EPHA6: variants seen among roughly 807,000 people sequenced by gnomAD.
The protein encoded by EPHA6 is EPH receptor A6.
A neutral mutation model predicts 112.0 loss-of-function variants in EPHA6; 50 were observed. The ratio of observed to expected loss-of-function variants is 0.45; its 90% CI spans 0.36 to 0.56. The LOEUF is 0.56. Ranked by LOEUF, EPHA6 falls within the 20% of genes least tolerant of loss-of-function variation. EPHA6 has a pLI of 0.00. For synonymous variants in EPHA6, 529 were observed against 490.7 expected (o/e 1.08, Z -1.03); for missense variants, 1,280 against 1,417.4 (o/e 0.90, Z 1.56).
intron 3 of EPHA6, among the ~76,000 whole-genome samples, chr3:96,999,119 C>T (rs901373429): frequency 6.6e-6 from 1 of 151,772 alleles, no homozygotes; most frequent in Non-Finnish European, 1.5e-5. Context: ...TAGTGTGTTG[C>T]CTACATTTCT....
At chr3:97,190,704 C>T (rs2077278291) in intron 3 of EPHA6, among the ~76,000 whole-genome samples, 1 of 151,876 alleles carries the variant, frequency 6.6e-6, no homozygotes, top group South Asian at 2.1e-4. Context: ...TCCATTATCT[C>T]ACATACTTAT....
chr3:97,246,960 G>T (rs1168336717), intron 5 of EPHA6, among the ~76,000 whole-genome samples: 1 of 151,898 alleles, frequency 6.6e-6, no homozygotes, highest in Non-Finnish European at 1.5e-5. Flanking sequence ...AATTTAAAAA[G>T]AATTTATACA....
chr3:97,318,862 A>C (rs918977439), intron 5 of EPHA6, among the ~76,000 whole-genome samples: 6 of 152,010 alleles, frequency 3.9e-5, no homozygotes, highest in Non-Finnish European at 8.8e-5. Flanking sequence ...GTTTCTTTCA[A>C]GTGAACATTT....
chr3:97,103,992 A>G (rs2108266585), intron 3 of EPHA6, among the ~76,000 whole-genome samples: 1 of 152,070 alleles, frequency 6.6e-6, no homozygotes, highest in African/African-American at 2.4e-5. Context: ...TAATACATTG[A>G]TTTTGTATCC....
chr3:97,054,163 AACACACACACACACACAC>A (rs138411869), intron 3 of EPHA6, among the ~76,000 whole-genome samples: 1 of 145,648 alleles, frequency 6.9e-6, no homozygotes, highest in African/African-American at 2.5e-5. Context: ...ATAACTATCT[AACACACACACACACACAC>A]ACACACACAC....
intron 11 of EPHA6, among the ~76,000 whole-genome samples, chr3:97,589,986 C>G (rs979250942): frequency 3.3e-5 from 5 of 152,086 alleles, no homozygotes; most frequent in African/African-American, 1.2e-4. Flanking sequence ...TAATTTATAT[C>G]AAACCCCAAA....
intron 5 of EPHA6, among the ~76,000 whole-genome samples, chr3:97,370,533 G>T (rs2084987289): frequency 6.6e-6 from 1 of 152,030 alleles, no homozygotes; most frequent in Non-Finnish European, 1.5e-5. Flanking sequence ...TGAATTTCAG[G>T]GTTCCTGTTA....
chr3:97,588,054 T>G (rs879036066), intron 11 of EPHA6, among the ~76,000 whole-genome samples: 1 of 152,220 alleles, frequency 6.6e-6, no homozygotes, highest in African/African-American at 2.4e-5. Flanking sequence ...GTATATTTTA[T>G]TTATAATTTA....
intron 14 of EPHA6, among the ~76,000 whole-genome samples, chr3:97,712,840 C>A (rs903217018): frequency 6.6e-6 from 1 of 152,064 alleles, no homozygotes; most frequent in Non-Finnish European, 1.5e-5. Flanking sequence ...TACATTTAAA[C>A]AATGAATAAA....
At chr3:96,942,187 T>G (rs555825418) in intron 2 of EPHA6, among the ~76,000 whole-genome samples, 1 of 152,304 alleles carries the variant, frequency 6.6e-6, no homozygotes, top group African/African-American at 2.4e-5. Context: ...GCTGTCTTTT[T>G]GTTTGTCTGT....
chr3:97,077,537 C>T (rs950331363), intron 3 of EPHA6, among the ~76,000 whole-genome samples: 2 of 151,980 alleles, frequency 1.3e-5, no homozygotes, highest in Non-Finnish European at 2.9e-5. Context: ...TATCCCTGCC[C>T]CCGCCCCATC....
chr3:97,079,153 A>G (rs1335174213), intron 3 of EPHA6, among the ~76,000 whole-genome samples: 1 of 152,118 alleles, frequency 6.6e-6, no homozygotes, highest in African/African-American at 2.4e-5. Context: ...ACATGCATGC[A>G]TATGTTCATT....
At chr3:97,560,963 C>A (rs1330753348) in intron 11 of EPHA6, among the ~76,000 whole-genome samples, 1 of 151,904 alleles carries the variant, frequency 6.6e-6, no homozygotes, top group Non-Finnish European at 1.5e-5. Context: ...TGATATTGAT[C>A]TGTGATTGAT....
chr3:97,384,597 A>G (rs1226078487), intron 5 of EPHA6, among the ~76,000 whole-genome samples: 1 of 152,236 alleles, frequency 6.6e-6, no homozygotes, highest in East Asian at 1.9e-4. Context: ...GCAGTAGTCA[A>G]TTCAAACTCT....
intron 2 of EPHA6, among the ~76,000 whole-genome samples, chr3:96,924,057 T>C (rs917136579): frequency 2.6e-5 from 4 of 152,204 alleles, no homozygotes; most frequent in Non-Finnish European, 5.9e-5. Flanking sequence ...CCTAGTAGTA[T>C]AGTTTGAAGC....
chr3:97,371,281 G>T (rs2085038357), intron 5 of EPHA6, among the ~76,000 whole-genome samples: 1 of 152,118 alleles, frequency 6.6e-6, no homozygotes, highest in Non-Finnish European at 1.5e-5. Context: ...CATTGTTGGG[G>T]TGTTACGGGA....
chr3:96,994,732 T>TATATATATAG (rs1170197805), intron 3 of EPHA6, among the ~76,000 whole-genome samples: 200 of 82,168 alleles, frequency 2.4e-3, no homozygotes, highest in Admixed American at 0.02. Flanking sequence ...TATATATATA[T>TATATATATAG]AGAGAGAGAG....
At chr3:97,336,900 G>A (rs1229960949) in intron 5 of EPHA6, among the ~76,000 whole-genome samples, 1 of 151,372 alleles carries the variant, frequency 6.6e-6, no homozygotes, top group Non-Finnish European at 1.5e-5. Flanking sequence ...AAATAGGCTG[G>A]TGCTTTTCTC....
rs200070318 is a variant in EPHA6 at position 97,012,607 on chromosome 3, G to GTA, written c.1114+24628_1114+24629dup. On this transcript the variant is annotated intron_variant, in intron 3 of 17. Coordinates refer to ENST00000389672, the MANE Select transcript of EPHA6 (RefSeq NM_001080448.3). The stretch of plus-strand genomic sequence containing the variant: ...TATATGTGTGTGTGTGTGTGTGTGT[G>GTA]TATATATATATATATGTATTTTTTT... Among the ~76,000 whole-genome samples the GTA allele has an allele frequency of 7.8e-3, 1,031 of 132,060 alleles. 13 individuals are homozygous for GTA. The highest frequency in any genetic ancestry group is 0.013 in the East Asian group (60 of 4,498). The allele number at this position is 132,060 out of a possible 152,430, so 86.6% of individuals were successfully genotyped here.
Sources: gnomAD v4.1 joint callset for allele counts (sites outside exome capture counted in the v4.1 genomes callset) on GRCh38, gnomAD v4.1.1 for gene constraint, MANE v1.5 for transcripts, NCBI Gene and HGNC (gene_info 2026-07-23, HGNC 2026-07-21) for gene names.